PLEKHH3: variants seen among roughly 807,000 people sequenced by gnomAD.
The protein encoded by PLEKHH3 is pleckstrin homology, MyTH4 and FERM domain containing H3.
Under a neutral mutation model 77.8 loss-of-function variants are expected in PLEKHH3, and 57 were observed. The observed-to-expected ratio is 0.73, with a 90% CI of 0.59 to 0.91. The LOEUF is 0.91. PLEKHH3 is among the 40% of genes least tolerant of loss of function. The pLI, the probability that PLEKHH3 is intolerant of heterozygous loss-of-function variation, is 0.00. For synonymous variants in PLEKHH3, 467 were observed against 504.8 expected, an observed-to-expected ratio of 0.93 and a Z score of 1.00; for missense variants, 1,082 against 1,091.2, an observed-to-expected ratio of 0.99 and a Z score of 0.12.
Position 42,671,057 on chromosome 17 carries a change from C to G in PLEKHH3, c.1358G>C (p.Gly453Ala). Residue 453 changes from glycine (G) to alanine (A), a missense_variant, in exon 9 of 13, where the codon GGG becomes GCG. By Grantham distance (60) the Gly-to-Ala change is moderately conservative. Around this residue, in one of 3 missense-constraint regions of PLEKHH3, gnomAD observed 733 missense variants for 750.0 expected, o/e 0.98. Transcript: ENST00000591022. This position sits in a 1 kb window ranked among gnomAD's most constrained non-coding sequence, Gnocchi z 4.7. ...CCCAGCCAGGGCTCGCTCCTGGGCCCCTCGCTGCTCGTACAGCGCGAATGC... is the reference window on the plus strand; with the variant it reads ...CCCAGCCAGGGCTCGCTCCTGGGCCGCTCGCTGCTCGTACAGCGCGAATGC... ...RNAFALYEQR[G>A]AQERALAGGT... is the part of the protein sequence containing the mutation. 1 of 1,609,922 alleles carries G rather than the reference C, an allele frequency of 6.2e-7. No individual in the cohort carries two copies. Among genetic ancestry groups the G allele is most frequent in the Non-Finnish European group, 8.5e-7 (1 of 1,178,658 alleles).
At position 42,676,366 on chromosome 17, in the gene PLEKHH3, G is replaced by A. The variant is rs767117331; in HGVS notation, c.162+36C>T. The A allele has an allele frequency of 4.3e-6, 7 of 1,610,240 alleles. No homozygotes were observed. Among genetic ancestry groups the A allele is most frequent in the Non-Finnish European group, 5.9e-6 (7 of 1,178,140 alleles). On this transcript the variant is annotated intron_variant, in intron 1 of 12. Coordinates refer to ENST00000591022, the MANE Select transcript of PLEKHH3 (RefSeq NM_024927.5). The surrounding 1 kb of genome is among the most constrained non-coding windows in gnomAD (Gnocchi z 6.6). ...AGCGTGACGGCCGGTTACAGCGAGA[G>A]TGATTGAGACGAGGCTCCGAACCCC... is the stretch of plus-strand genomic sequence containing the variant.
rs2052768241 is a variant in PLEKHH3 at position 42,674,104 on chromosome 17, C to T, written c.219-91G>A. On this transcript the variant is annotated intron_variant, in intron 2 of 12. Coordinates refer to ENST00000591022, the MANE Select transcript of PLEKHH3 (RefSeq NM_024927.5). ...CCCCAGACCGCACGGGTGTCTGCTC[C>T]CAAGCTGGGCACCCCTCCCCCAGGC... is the stretch of plus-strand genomic sequence containing the variant. 5.2e-6 allele frequency: 7 copies of T among 1,357,242 alleles called. No homozygotes were observed. The East Asian group carries it at 1.7e-4, about 33-fold the overall frequency. The allele number at this position is 1,357,242 out of a possible 1,614,324, so 84.1% of individuals were successfully genotyped here.
Position 42,669,553 on chromosome 17 carries a change from C to T in PLEKHH3, c.2082G>A (p.Arg694=). Residue 694 remains arginine (R), a synonymous_variant, in exon 12 of 13, where the codon CGG becomes CGA. Coordinates refer to ENST00000591022, the MANE Select transcript of PLEKHH3 (RefSeq NM_024927.5). ...TGTGGATGGGCTCCGTCTCCCCTGG[C>T]CGGGAGAGGGACATGGCCTTGGCTC... ...GLGAKAMSLS[R]PGETEPIHSV... 1 of 1,612,050 alleles carries T rather than the reference C, an allele frequency of 6.2e-7. No homozygotes were observed. Among genetic ancestry groups the T allele is most frequent in the Non-Finnish European group, 8.5e-7 (1 of 1,179,056 alleles).
In PLEKHH3 at chr17:42,670,172, G is replaced by A; in HGVS notation, c.1759C>T (p.Leu587=). 1 of 1,211,132 alleles carries A rather than the reference G, an allele frequency of 8.3e-7. No homozygotes were observed. The highest frequency in any genetic ancestry group is 1.0e-6 in the Non-Finnish European group (1 of 977,902). 75.0% of individuals were successfully genotyped at this position (1,211,132 alleles called of 1,614,324 possible). ...CCCGGGCTCCAGAGCGCCCCGGCCA[G>A]CAGGGCAGCGGAAGGGGGCGGCCTG... ...TPRPPPSAAL[L]AGALWSPGLA... Residue 587 remains leucine (L), a synonymous_variant, in exon 11 of 13, where the codon CTG becomes TTG. Coordinates refer to ENST00000591022, the MANE Select transcript of PLEKHH3 (RefSeq NM_024927.5).
Position 42,669,905 on chromosome 17 carries a change from T to G in PLEKHH3, c.2013+13A>C, listed in dbSNP as rs375091316. On this transcript the variant is annotated intron_variant, in intron 11 of 12. Coordinates refer to ENST00000591022, the MANE Select transcript of PLEKHH3 (RefSeq NM_024927.5). ...TGGGCCGCCAGAGTCCCCTTCTCCC[T>G]TCTCCCCCTCACCGTGCTCAGCTCC... 6.2e-7 allele frequency: 1 copy of G among 1,613,104 alleles called. No individual in the cohort carries two copies. Among genetic ancestry groups the G allele is most frequent in the Non-Finnish European group, 8.5e-7 (1 of 1,179,804 alleles).
chr17:42,670,927 T>C (rs1567957821), intron 9 of PLEKHH3, 67 bp downstream of exon 9: 2 of 1,578,350 alleles, frequency 1.3e-6, no homozygotes, highest in East Asian at 4.5e-5. Flanking sequence ...TAATGTCCGC[T>C]TAGAGACTGA....
rs919882837 is a variant in PLEKHH3 at position 42,670,720 on chromosome 17, C to A, written c.1422-15G>T. 1.2e-6 allele frequency: 2 copies of A among 1,606,252 alleles called. No individual in the cohort carries two copies. The highest frequency in any genetic ancestry group is 1.7e-6 in the Non-Finnish European group (2 of 1,175,440). On this transcript the variant is annotated splice_polypyrimidine_tract_variant and intron_variant, in intron 9 of 12. Transcript: ENST00000591022. The stretch of plus-strand genomic sequence containing the variant: ...CCGCGGCCAAGCTGCAGAAGAGGAG[C>A]GGACGAAGCGCTAGGGAGAAGCCGG...
chr17:42,675,399 C>T (rs2052800281), intron 1 of PLEKHH3, among the ~76,000 whole-genome samples: 1 of 152,202 alleles, frequency 6.6e-6, no homozygotes, highest in Non-Finnish European at 1.5e-5. Flanking sequence ...CCTACGTGAA[C>T]CTCCACCTAT....
chr17:42,668,256 G>T lies in PLEKHH3; in HGVS notation c.2253C>A (p.Ser751=). 2 of 1,558,952 alleles carry T rather than the reference G, an allele frequency of 1.3e-6. No homozygotes were observed. Among genetic ancestry groups the T allele is most frequent in the East Asian group, 2.5e-5 (1 of 40,212 alleles). ...QLVNAYLANP[S]PERPCSSSSP... is the part of the protein sequence containing the mutation. ...AAGAGCTGCTGCAGGGCCTCTCGGG[G>T]GAGGGGTTGGCCAAGTAGGCATTCA... The change falls in exon 13 of 13, where the codon TCC becomes TCA. Residue 751 remains serine (S), a synonymous_variant. Coordinates refer to ENST00000591022, the MANE Select transcript of PLEKHH3 (RefSeq NM_024927.5).
rs201166276 is a variant in PLEKHH3, at chr17:42,670,343, G to C, written c.1588C>G (p.Pro530Ala). 5 of 1,401,628 alleles carry C rather than the reference G, an allele frequency of 3.6e-6. No individual in the cohort carries two copies. In the East Asian group the frequency reaches 1.5e-4, roughly 41 times the overall value. The allele number at this position is 1,401,628 out of a possible 1,614,324, so 86.8% of individuals were successfully genotyped here. ...HALLLRGRPP[P>A]PDDTLRALAA... Reference sequence around the variant, plus strand: ...AGGGCGCGCAGCGTGTCGTCGGGTGGGGGCGGCCGGCCCCGCAGCAGCAGA... The same window carrying C: ...AGGGCGCGCAGCGTGTCGTCGGGTGCGGGCGGCCGGCCCCGCAGCAGCAGA... The change falls in exon 11 of 13, where the codon CCA (proline) becomes GCA (alanine). Residue 530 changes from proline (P) to alanine (A), a missense_variant. Transcript: ENST00000591022.
chr17:42,675,638 G>A (rs910273434), intron 1 of PLEKHH3, among the ~76,000 whole-genome samples: 3 of 152,214 alleles, frequency 2.0e-5, no homozygotes, highest in Admixed American at 2.0e-4. Context: ...CGCGGGGGAT[G>A]GGAGCCTGAC....
Position 42,671,492 on chromosome 17 carries a change from G to A in PLEKHH3, c.1143C>T (p.Gly381=), listed in dbSNP as rs2052700917. Residue 381 remains glycine (G), a synonymous_variant, in exon 8 of 13, where the codon GGC becomes GGT. Coordinates refer to ENST00000591022, the MANE Select transcript of PLEKHH3 (RefSeq NM_024927.5). This position sits in a 1 kb window ranked among gnomAD's most constrained non-coding sequence, Gnocchi z 4.7. ...EYARFIRKAL[G]RTRGRELVPS... ...GCACCAGCTCTCTGCCGCGCGTCCGGCCCAGCGCTTTCCGGATGAAGCGCG... is the reference window on the plus strand; with the variant it reads ...GCACCAGCTCTCTGCCGCGCGTCCGACCCAGCGCTTTCCGGATGAAGCGCG... The A allele has an allele frequency of 6.2e-7, 1 of 1,613,070 alleles. No homozygotes were observed. The highest frequency in any genetic ancestry group is 1.1e-5 in the South Asian group (1 of 91,044).
In PLEKHH3 at chr17:42,670,227, C is replaced by G; in HGVS notation, c.1704G>C (p.Pro568=). The change falls in exon 11 of 13, where the codon CCG becomes CCC. Residue 568 remains proline (P), a synonymous_variant. Transcript: ENST00000591022. ...RLDRLLPPPA[P]PREDPPRPTP... The stretch of plus-strand genomic sequence containing the variant: ...TCGGGCGGGGCGGGTCTTCGCGCGG[C>G]GGGGCCGGGGGCGGGAGCAGGCGGT... 1 of 1,214,896 alleles carries G rather than the reference C, an allele frequency of 8.2e-7. No individual in the cohort carries two copies. The highest frequency in any genetic ancestry group is 1.0e-6 in the Non-Finnish European group (1 of 977,998). 75.3% of individuals were successfully genotyped at this position (1,214,896 alleles called of 1,614,324 possible).
chr17:42,672,187 T>G lies in PLEKHH3; in HGVS notation c.975A>C (p.Gln325His). The change falls in exon 7 of 13, where the codon CAA becomes CAC. Residue 325 changes from glutamine (Q) to histidine (H), a missense_variant. Around this residue, in one of 3 missense-constraint regions of PLEKHH3, gnomAD observed 733 missense variants for 750.0 expected, o/e 0.98. Transcript: ENST00000591022. ...PAGPPGLPAT[Q>H]DPAALRYWQL... is the part of the protein sequence containing the mutation. Reference sequence around the variant, plus strand: ...GCCAGTACCGCAGGGCCGCAGGGTCTTGGGTAGCCGGGAGCCCGGGGGGAC... The same window carrying G: ...GCCAGTACCGCAGGGCCGCAGGGTCGTGGGTAGCCGGGAGCCCGGGGGGAC... 6.4e-7 allele frequency: 1 copy of G among 1,551,318 alleles called. No individual in the cohort carries two copies. Among genetic ancestry groups the G allele is most frequent in the South Asian group, 1.2e-5 (1 of 84,066 alleles).
chr17:42,670,772 T>C (rs1451099798), intron 9 of PLEKHH3, 67 bp from the exon 10 acceptor site: 1 of 1,394,254 alleles, frequency 7.2e-7, no homozygotes, highest in Non-Finnish European at 9.7e-7. Flanking sequence ...CAGCTTGGGG[T>C]GGGGGCGGGG....
At chr17:42,674,715 C>T (rs1426362308) in intron 1 of PLEKHH3, 11 of 335,560 alleles carry the variant, frequency 3.3e-5, no homozygotes, top group Non-Finnish European at 5.9e-5. Flanking sequence ...ACCTGGGTTC[C>T]AATTCCCGCC....
chr17:42,675,309 G>A (rs945590954), intron 1 of PLEKHH3, among the ~76,000 whole-genome samples: 1 of 152,128 alleles, frequency 6.6e-6, no homozygotes, highest in Non-Finnish European at 1.5e-5. Flanking sequence ...AGTTGAGGTG[G>A]AGCATGAGGG....
chr17:42,668,128 C>G lies in PLEKHH3; in HGVS notation c.2381G>C (p.Ter794SerextTer57). 2 of 1,432,348 alleles carry G rather than the reference C, an allele frequency of 1.4e-6. No individual in the cohort carries two copies. The highest frequency in any genetic ancestry group is 1.8e-6 in the Non-Finnish European group (2 of 1,097,392). The allele number at this position is 1,432,348 out of a possible 1,614,324, so 88.7% of individuals were successfully genotyped here. ...QSGCLGQLQD* is the reference protein window; with the variant it reads ...QSGCLGQLQDS ...GGAAGTCGTGACCTCTTGGCAGGCTCAGTCCTGCAGCTGCCCCAAGCAGCC... is the reference window on the plus strand; with the variant it reads ...GGAAGTCGTGACCTCTTGGCAGGCTGAGTCCTGCAGCTGCCCCAAGCAGCC... The change falls in exon 13 of 13, where the codon TGA (stop) becomes TCA (serine). Residue 794 changes from the stop codon to serine (S), a stop_lost. Transcript: ENST00000591022.
At chr17:42,674,158 C>A (rs2052769503) in intron 2 of PLEKHH3, 145 bp from the exon 3 acceptor site, 7 of 1,106,696 alleles carry the variant, frequency 6.3e-6, no homozygotes, top group Non-Finnish European at 8.9e-6. Context: ...ATTCTGACCT[C>A]GAACCAGAAA....
Sources: allele counts gnomAD v4.1 joint callset (sites outside exome capture counted in the v4.1 genomes callset), GRCh38; gene constraint gnomAD v4.1.1; regional missense constraint gnomAD v4.1.1; non-coding constraint Gnocchi (gnomAD v3.1); transcripts MANE v1.5; gene names NCBI Gene and HGNC (gene_info 2026-07-23, HGNC 2026-07-21).